MITF: variants seen among roughly 807,000 people sequenced by gnomAD.
MITF encodes microphthalmia-associated transcription factor.
In MITF, 17 loss-of-function variants were observed where a neutral mutation model predicts 60.5. The ratio of observed to expected loss-of-function variants is 0.28; its 90% confidence interval spans 0.19 to 0.42. The LOEUF is 0.42. Ranked by LOEUF, MITF falls within the 10% of genes least tolerant of loss-of-function variation. The pLI is 1.00. For synonymous variants in MITF, 260 were observed against 248.5 expected (o/e 1.05, Z -0.43); for missense variants, 622 against 683.5 (o/e 0.91, Z 1.00).
chr3:69,774,758 G>T (rs1435726942), intron 1 of MITF, among the ~76,000 whole-genome samples: 1 of 152,058 alleles, frequency 6.6e-6, no homozygotes, highest in Non-Finnish European at 1.5e-5. Flanking sequence ...GCTGAGGAAA[G>T]TTGCCATGGT....
At chr3:69,761,000 T>C (rs1039493959) in intron 1 of MITF, among the ~76,000 whole-genome samples, 14 of 152,210 alleles carry the variant, frequency 9.2e-5, no homozygotes, top group Non-Finnish European at 2.1e-4. Context: ...ACATAGCAGA[T>C]AGATCACACA....
At chr3:69,824,406 TATG>T (rs1200451098) in intron 1 of MITF, among the ~76,000 whole-genome samples, 1 of 152,220 alleles carries the variant, frequency 6.6e-6, no homozygotes, top group East Asian at 1.9e-4. Context: ...CTCTAGGTTC[TATG>T]ATGATTATCA....
At chr3:69,772,042 A>G (rs1229341427) in intron 1 of MITF, among the ~76,000 whole-genome samples, 2 of 152,158 alleles carry the variant, frequency 1.3e-5, no homozygotes, top group African/African-American at 4.8e-5. Context: ...AAGTTTGGAC[A>G]AGTTGTTCTT....
intron 1 of MITF, among the ~76,000 whole-genome samples, chr3:69,806,619 C>T (rs954369326): frequency 3.3e-5 from 5 of 152,076 alleles, no homozygotes; most frequent in Admixed American, 6.6e-5. Flanking sequence ...AGGCTAAGAA[C>T]TCATATGTAA....
chr3:69,923,782 G>C (rs767604465), intron 2 of MITF, among the ~76,000 whole-genome samples: 1 of 151,940 alleles, frequency 6.6e-6, no homozygotes, highest in Admixed American at 6.6e-5. Context: ...AATCCAAATG[G>C]GACTATCCAA....
intron 1 of MITF, among the ~76,000 whole-genome samples, chr3:69,766,545 A>G (rs1310018004): frequency 6.6e-6 from 1 of 151,688 alleles, no homozygotes; most frequent in Non-Finnish European, 1.5e-5. Flanking sequence ...ATTTTGTCTT[A>G]TCCCAGTAAA....
intron 5 of MITF, among the ~76,000 whole-genome samples, chr3:69,946,398 T>A (rs1320779286): frequency 6.6e-6 from 1 of 152,150 alleles, no homozygotes; most frequent in Non-Finnish European, 1.5e-5. Flanking sequence ...AATTGAAAGT[T>A]TGCAGTTTCT....
intron 1 of MITF, among the ~76,000 whole-genome samples, chr3:69,812,481 T>C (rs138863597): frequency 2.6e-5 from 4 of 152,270 alleles, no homozygotes; most frequent in African/African-American, 9.6e-5. Flanking sequence ...AGGGGCAAAG[T>C]TTTTAAGTGT....
chr3:69,810,877 A>G (rs1185473333), intron 1 of MITF, among the ~76,000 whole-genome samples: 1 of 152,258 alleles, frequency 6.6e-6, no homozygotes, highest in East Asian at 1.9e-4. Flanking sequence ...TGCATGATAG[A>G]TGATCAATAA....
chr3:69,809,210 G>T (rs986916814), intron 1 of MITF, among the ~76,000 whole-genome samples: 1 of 152,076 alleles, frequency 6.6e-6, no homozygotes, highest in African/African-American at 2.4e-5. Flanking sequence ...TGGAAGCATT[G>T]CTCAGAAAAT....
chr3:69,941,547 C>T (rs1329041906), intron 5 of MITF, among the ~76,000 whole-genome samples: 1 of 152,156 alleles, frequency 6.6e-6, no homozygotes, highest in South Asian at 2.1e-4. Context: ...TAAAACTCTA[C>T]ATTCCCTGGA....
At chr3:69,794,475 A>G (rs1430761918) in intron 1 of MITF, among the ~76,000 whole-genome samples, 3 of 152,174 alleles carry the variant, frequency 2.0e-5, no homozygotes, top group Non-Finnish European at 4.4e-5. Context: ...GGACTGGGCT[A>G]TAAACTTTGT....
chr3:69,958,200 C>T (rs922860473), intron 8 of MITF, among the ~76,000 whole-genome samples: 2 of 152,202 alleles, frequency 1.3e-5, no homozygotes, highest in African/African-American at 4.8e-5. Context: ...ATTCTGATTT[C>T]TCTTCTTGCT....
intron 5 of MITF, among the ~76,000 whole-genome samples, chr3:69,947,574 T>C (rs2066129117): frequency 6.6e-6 from 1 of 152,164 alleles, no homozygotes; most frequent in Admixed American, 6.6e-5. Context: ...AAGGGCATTT[T>C]AAATGACCAC....
At chr3:69,838,943 C>A (rs189209847) in intron 1 of MITF, among the ~76,000 whole-genome samples, 10 of 152,238 alleles carry the variant, frequency 6.6e-5, no homozygotes, top group Admixed American at 3.3e-4. Flanking sequence ...CCTTCATGAA[C>A]CTTTCTTTTC....
At chr3:69,750,692 G>A (rs2106767745) in intron 1 of MITF, among the ~76,000 whole-genome samples, 1 of 151,850 alleles carries the variant, frequency 6.6e-6, no homozygotes, top group South Asian at 2.1e-4. Context: ...TCTGGAGTAG[G>A]GTCTGAAAAT....
Position 69,758,415 on chromosome 3 carries a change from C to T in MITF, c.104+18714C>T, listed in dbSNP as rs570152722. 7.9e-5 allele frequency among the ~76,000 whole-genome samples: 12 copies of T among 152,242 alleles called. No individual in the cohort carries two copies. In the South Asian group the frequency reaches 2.5e-3, roughly 32 times the overall value. ...TGAATTCTTGGCCTCAAGCAATCCT[C>T]CTGCCTCAGAGTCCCAAAGCACTGT... On this transcript the variant is annotated intron_variant, in intron 1 of 9. Coordinates refer to ENST00000352241, the MANE Select transcript of MITF (RefSeq NM_001354604.2).
At chr3:69,961,628 T>A (rs2066550629) in intron 9 of MITF, among the ~76,000 whole-genome samples, 1 of 150,654 alleles carries the variant, frequency 6.6e-6, no homozygotes, top group Admixed American at 6.6e-5. Context: ...CAGCTACTCA[T>A]GAGGCTGAGG....
chr3:69,933,988 G>A (rs2065778533), intron 2 of MITF, among the ~76,000 whole-genome samples: 1 of 152,132 alleles, frequency 6.6e-6, no homozygotes, highest in Admixed American at 6.5e-5. Flanking sequence ...ATGCTATGAG[G>A]GAGTTTGGAC....
Sources: allele counts gnomAD v4.1 joint callset (sites outside exome capture counted in the v4.1 genomes callset), GRCh38; gene constraint gnomAD v4.1.1; transcripts MANE v1.5; gene names NCBI Gene and HGNC (gene_info 2026-07-23, HGNC 2026-07-21).